The following RBL1 variants were observed in gnomAD, a reference collection of about 807,000 sequenced individuals.
RBL1 encodes the protein RB transcriptional corepressor like 1, also known as retinoblastoma-like protein 1.
RBL1 carries 82 observed loss-of-function variants against 123.0 expected under a neutral mutation model. The ratio of observed to expected loss-of-function variants is 0.67; its 90% CI spans 0.56 to 0.80. The LOEUF is 0.80. Ranked by LOEUF, RBL1 falls within the 30% of genes least tolerant of loss-of-function variation. The pLI is 0.00. For missense variants in RBL1, 1,171 were observed against 1,299.6 expected, an observed-to-expected ratio of 0.90 and a Z score of 1.52; for synonymous variants, 405 against 441.3, an observed-to-expected ratio of 0.92 and a Z score of 1.03.
intron 21 of RBL1, among the ~76,000 whole-genome samples, chr20:37,000,926 G>C (rs1486254420): frequency 1.4e-5 from 2 of 141,394 alleles, no homozygotes; most frequent in African/African-American, 2.7e-5. Flanking sequence ...CCGGCCAGCC[G>C]CCCCATCCGG....
At chr20:37,064,905 C>T (rs1054321797) in intron 7 of RBL1, among the ~76,000 whole-genome samples, 17 of 150,796 alleles carry the variant, frequency 1.1e-4, no homozygotes, top group African/African-American at 3.4e-4. Flanking sequence ...GGATTACAGG[C>T]GTGAGCCACC....
chr20:37,071,401 ATC>A lies in RBL1; in HGVS notation c.291-3217_291-3216del, dbSNP rs759060001. 9.9e-5 allele frequency among the ~76,000 whole-genome samples: 15 copies of A among 152,206 alleles called. No individual in the cohort carries two copies. The East Asian group carries it at 1.9e-3, about 20-fold the overall frequency. ...CTGGGCATGGTAGCTCATGCCTGTA[ATC>A]CCAACACTTTGGGAGGGTGAGGCTG... On this transcript the variant is annotated intron_variant, in intron 2 of 21. Transcript: ENST00000373664.
chr20:37,004,436 G>T (rs1280986186), intron 20 of RBL1, among the ~76,000 whole-genome samples: 1 of 150,880 alleles, frequency 6.6e-6, no homozygotes, highest in East Asian at 2.0e-4. Context: ...ATTCTGGCCA[G>T]GCACAGTGGC....
At chr20:37,010,728 C>T (rs1427469851) in intron 19 of RBL1, among the ~76,000 whole-genome samples, 2 of 152,086 alleles carry the variant, frequency 1.3e-5, no homozygotes, top group Non-Finnish European at 2.9e-5. Context: ...TGGACCATCA[C>T]GGACTCAAAC....
intron 16 of RBL1, among the ~76,000 whole-genome samples, chr20:37,031,845 C>G (rs543484259): frequency 6.6e-6 from 1 of 151,558 alleles, no homozygotes; most frequent in Non-Finnish European, 1.5e-5. Context: ...CTCATGTGAT[C>G]CTCCCACCTC....
At chr20:37,032,957 A>G (rs533960340) in intron 15 of RBL1, 81 bp from the exon 16 acceptor site, 2 of 1,542,930 alleles carry the variant, frequency 1.3e-6, no homozygotes, top group South Asian at 2.5e-5. Flanking sequence ...ACAATTATAT[A>G]TACATATATC....
intron 2 of RBL1, among the ~76,000 whole-genome samples, chr20:37,079,223 C>G (rs2065411763): frequency 7.0e-6 from 1 of 142,358 alleles, no homozygotes; most frequent in Non-Finnish European, 1.5e-5. Context: ...AAAAAAAAAC[C>G]CTCAAATGCC....
chr20:37,005,894 C>CTTTTTTTTTTTTTTTT (rs1013303071), intron 20 of RBL1, among the ~76,000 whole-genome samples: 2 of 98,142 alleles, frequency 2.0e-5, no homozygotes, highest in African/African-American at 4.4e-5. Context: ...TTTTTTCTTT[C>CTTTTTTTTTTTTTTTT]TTTTTTTTTT....
chr20:37,039,768 G>T (rs1285159135), intron 14 of RBL1, among the ~76,000 whole-genome samples: 2 of 151,814 alleles, frequency 1.3e-5, no homozygotes, highest in Non-Finnish European at 2.9e-5. Flanking sequence ...CATGAGGGGG[G>T]TCTCACTATT....
At chr20:37,014,085 C>CT (rs1184794374) in intron 19 of RBL1, among the ~76,000 whole-genome samples, 5,304 of 136,304 alleles carry the variant, frequency 0.039, 289 homozygotes, top group African/African-American at 0.12. Context: ...AACTTTCTCT[C>CT]TTTTTTTTTT....
At chr20:37,075,739 A>C (rs2065353825) in intron 2 of RBL1, among the ~76,000 whole-genome samples, 1 of 152,168 alleles carries the variant, frequency 6.6e-6, no homozygotes, top group Admixed American at 6.5e-5. Context: ...TACAGGTGTG[A>C]GCCACTGCAC....
chr20:37,009,303 C>T (rs766257913), intron 19 of RBL1, among the ~76,000 whole-genome samples: 12 of 152,098 alleles, frequency 7.9e-5, no homozygotes, highest in African/African-American at 2.4e-4. Context: ...GGATTACAGG[C>T]GTGAGCCACT....
chr20:36,998,642 T>C lies in RBL1; in HGVS notation c.*117A>G, dbSNP rs1294613543. 3.7e-5 allele frequency: 34 copies of C among 917,250 alleles called. No individual in the cohort carries two copies. Among genetic ancestry groups the C allele is most frequent in the Non-Finnish European group, 5.3e-5 (34 of 643,194 alleles). The allele number at this position is 917,250 out of a possible 1,614,324, so 56.8% of individuals were successfully genotyped here. A position where few individuals can be genotyped will look rare whatever the true frequency, so the allele number is the denominator to read the frequency against. On this transcript the variant is annotated 3_prime_UTR_variant, in exon 22 of 22. Coordinates refer to ENST00000373664, the MANE Select transcript of RBL1 (RefSeq NM_002895.5). ...AAAAAGCACATAATTTTTGTGCAATTTTTTCTTATAACCCAGTGATATTTA... is the reference window on the plus strand; with the variant it reads ...AAAAAGCACATAATTTTTGTGCAATCTTTTCTTATAACCCAGTGATATTTA...
intron 21 of RBL1, among the ~76,000 whole-genome samples, chr20:37,000,015 C>T (rs1333981497): frequency 1.3e-5 from 2 of 151,494 alleles, no homozygotes; most frequent in Non-Finnish European, 2.9e-5. Context: ...AGGAGTGTCT[C>T]TGCCCGGCCG....
chr20:37,045,089 T>C (rs143143754), intron 12 of RBL1, among the ~76,000 whole-genome samples: 1,975 of 115,626 alleles, frequency 0.017, 38 homozygotes, highest in African/African-American at 0.049. Flanking sequence ...TACTTATTTA[T>C]TTATTTATTT....
intron 3 of RBL1, 139 bp downstream of exon 3, chr20:37,067,847 A>T: frequency 1.1e-6 from 1 of 924,636 alleles, no homozygotes. Flanking sequence ...AAATATGGAT[A>T]ATTGTACATG....
Position 36,998,131 on chromosome 20 carries a change from T to C in RBL1, c.*628A>G, listed in dbSNP as rs1259461256. On this transcript the variant is annotated 3_prime_UTR_variant, in exon 22 of 22. Coordinates refer to ENST00000373664, the MANE Select transcript of RBL1 (RefSeq NM_002895.5). Reference sequence around the variant, plus strand: ...ATATTACAGAACACAGAAGGAGACATTTATTTTTAAAAGAGAGCTAAAAAG... The same window carrying C: ...ATATTACAGAACACAGAAGGAGACACTTATTTTTAAAAGAGAGCTAAAAAG... The C allele has an allele frequency of 6.6e-6, 1 of 152,098 alleles. No individual in the cohort carries two copies. The highest frequency in any genetic ancestry group is 1.5e-5 in the Non-Finnish European group (1 of 68,024). 9.4% of individuals were successfully genotyped at this position (152,098 alleles called of 1,614,324 possible).
intron 19 of RBL1, among the ~76,000 whole-genome samples, chr20:37,013,228 A>C (rs1323120490): frequency 2.6e-5 from 4 of 152,146 alleles, no homozygotes; most frequent in Non-Finnish European, 5.9e-5. Flanking sequence ...GAGACTTCTC[A>C]TTTTGTTCTG....
chr20:37,069,570 C>T (rs2065247608), intron 2 of RBL1, among the ~76,000 whole-genome samples: 1 of 145,214 alleles, frequency 6.9e-6, no homozygotes, highest in Admixed American at 6.8e-5. Flanking sequence ...CCCGGCCGCC[C>T]CGTCTGAGAA....
Sources: gnomAD v4.1 joint callset for allele counts (sites outside exome capture counted in the v4.1 genomes callset) on GRCh38, gnomAD v4.1.1 for gene constraint, MANE v1.5 for transcripts, NCBI Gene and HGNC (gene_info 2026-07-23, HGNC 2026-07-21) for gene names.